SANBR: variants seen among roughly 807,000 people sequenced by gnomAD.
SANBR encodes the protein SANT and BTB domain regulator of CSR.
SANBR carries 77 observed loss-of-function variants against 101.8 expected under a neutral mutation model. That is an observed-to-expected ratio of 0.76 (90% CI 0.63 to 0.91). The LOEUF (loss-of-function observed/expected upper bound fraction) is 0.91. Ranked by LOEUF, SANBR falls within the 40% of genes least tolerant of loss-of-function variation. SANBR has a pLI of 0.00. For synonymous variants in SANBR, 279 were observed against 274.7 expected (o/e 1.02, Z -0.15); for missense variants, 875 against 853.0 (o/e 1.03, Z -0.32).
At chr2:61,067,386 G>A (rs976898711) in intron 1 of SANBR, among the ~76,000 whole-genome samples, 4 of 152,180 alleles carry the variant, frequency 2.6e-5, no homozygotes, top group Non-Finnish European at 5.9e-5. Context: ...TCTCAGGGAA[G>A]ATCCTTGCCC....
Position 61,117,546 on chromosome 2 carries a change from T to C in SANBR, c.1939+6T>C, listed in dbSNP as rs376259330. On this transcript the variant is annotated splice_donor_region_variant and intron_variant, in intron 19 of 21. Transcript: ENST00000402291. ...GGATGCACAAAGAGAAGACGGTAAA[T>C]TTTATTATTTGGGTAATGTACAAAT... 151 of 1,607,264 alleles carry C rather than the reference T, an allele frequency of 9.4e-5. No individual in the cohort carries two copies. Among genetic ancestry groups the C allele is most frequent in the Middle Eastern group, 1.7e-4 (1 of 5,950 alleles).
intron 10 of SANBR, chr2:61,088,815 A>T: frequency 1.0e-6 from 1 of 971,492 alleles, no homozygotes; most frequent in Non-Finnish European, 1.2e-6. Context: ...CACCGCTCCC[A>T]GCCCAGATTT....
In SANBR at chr2:61,118,247, G is replaced by A; in HGVS notation, c.2028+131G>A. The A allele has an allele frequency of 6.0e-6, 4 of 670,862 alleles. No homozygotes were observed. In the Admixed American group the frequency reaches 9.6e-5, roughly 16 times the overall value. The allele number at this position is 670,862 out of a possible 1,614,324, so 41.6% of individuals were successfully genotyped here. A position where few individuals can be genotyped will look rare whatever the true frequency, so the allele number is the denominator to read the frequency against. ...AATTTATGTGTTTGTTTGTTTGTTT[G>A]TTTTTTTCTTTGAGATGGAGTTTTG... On this transcript the variant is annotated intron_variant, in intron 20 of 21. Transcript: ENST00000402291.
chr2:61,097,638 A>G, intron 11 of SANBR, 62 bp from the exon 12 acceptor site: 2 of 1,299,800 alleles, frequency 1.5e-6, no homozygotes, highest in Non-Finnish European at 2.2e-6. Context: ...GGTCTTAAGT[A>G]TTTTTGAAAC....
intron 13 of SANBR, among the ~76,000 whole-genome samples, chr2:61,105,726 C>T (rs938798577): frequency 1.1e-4 from 17 of 149,974 alleles, no homozygotes; most frequent in Non-Finnish European, 3.0e-5. Context: ...GGCTGGAGTG[C>T]AGTGGTGCGA....
intron 16 of SANBR, among the ~76,000 whole-genome samples, chr2:61,110,118 A>G (rs1302369781): frequency 6.6e-6 from 1 of 152,154 alleles, no homozygotes; most frequent in Non-Finnish European, 1.5e-5. Flanking sequence ...CTCTTTTAGG[A>G]TTTCATATGA....
intron 19 of SANBR, among the ~76,000 whole-genome samples, chr2:61,117,813 G>A (rs992668088): frequency 6.6e-6 from 1 of 152,136 alleles, no homozygotes; most frequent in Non-Finnish European, 1.5e-5. Context: ...GTTTTAGGCT[G>A]TTTTATGGTA....
chr2:61,115,363 G>A (rs552993733), intron 16 of SANBR, among the ~76,000 whole-genome samples: 52 of 148,010 alleles, frequency 3.5e-4, no homozygotes, highest in Non-Finnish European at 6.5e-4. Flanking sequence ...TTTTGAGACA[G>A]AGTCTCGCTC....
At chr2:61,103,803 G>A (rs757436290) in intron 12 of SANBR, 50 bp from the exon 13 acceptor site, 2 of 1,534,532 alleles carry the variant, frequency 1.3e-6, no homozygotes, top group Non-Finnish European at 1.8e-6. Context: ...ATCTTTAAAG[G>A]AGTGTTCTAT....
chr2:61,116,106 G>GA (rs1559139095), intron 17 of SANBR, 36 bp downstream of exon 17: 3 of 1,384,390 alleles, frequency 2.2e-6, no homozygotes, highest in East Asian at 4.6e-5. Context: ...AGTTCATATG[G>GA]AAAAATAAGC....
At chr2:61,071,339 A>T (rs1320319031) in intron 3 of SANBR, among the ~76,000 whole-genome samples, 2 of 152,128 alleles carry the variant, frequency 1.3e-5, no homozygotes, top group East Asian at 3.9e-4. Context: ...TCACGAGGTC[A>T]GGAGTTCAAG....
intron 3 of SANBR, 23 bp from the exon 4 acceptor site, chr2:61,071,583 T>C: frequency 6.8e-7 from 1 of 1,478,900 alleles, no homozygotes; most frequent in Non-Finnish European, 9.0e-7. Context: ...AACCTCTGTT[T>C]CTTTCATTTT....
chr2:61,134,529 C>G (rs899504359), intron 21 of SANBR, among the ~76,000 whole-genome samples: 3 of 152,236 alleles, frequency 2.0e-5, no homozygotes, highest in Non-Finnish European at 4.4e-5. Flanking sequence ...TTAGCAGTCT[C>G]ATGTTCTCAT....
intron 2 of SANBR, among the ~76,000 whole-genome samples, chr2:61,070,003 G>A (rs1004227668): frequency 3.6e-4 from 55 of 152,104 alleles, no homozygotes; most frequent in African/African-American, 1.2e-3. Context: ...CCTCTTCTTA[G>A]CGCTGTGATC....
intron 20 of SANBR, 42 bp from the exon 21 acceptor site, chr2:61,121,143 T>A: frequency 7.5e-7 from 1 of 1,328,584 alleles, no homozygotes; most frequent in South Asian, 1.3e-5. Flanking sequence ...AGAGCTTCTA[T>A]TGATTCTGTG....
intron 8 of SANBR, among the ~76,000 whole-genome samples, chr2:61,083,950 A>G (rs1448122995): frequency 1.3e-5 from 2 of 150,986 alleles, no homozygotes; most frequent in African/African-American, 2.4e-5. Flanking sequence ...CTCTCTTTTC[A>G]TTTATAGTTA....
At chr2:61,099,174 A>G (rs886148777) in intron 12 of SANBR, among the ~76,000 whole-genome samples, 5 of 152,248 alleles carry the variant, frequency 3.3e-5, no homozygotes, top group Admixed American at 1.3e-4. Context: ...GGTAGGTGTC[A>G]GTCCATGCAG....
At chr2:61,100,480 A>T (rs1210931118) in intron 12 of SANBR, among the ~76,000 whole-genome samples, 1 of 152,204 alleles carries the variant, frequency 6.6e-6, no homozygotes, top group African/African-American at 2.4e-5. Flanking sequence ...GGTTGATGGT[A>T]TAAGGTGAGA....
intron 12 of SANBR, 150 bp downstream of exon 12, chr2:61,098,002 T>TGG: frequency 6.0e-6 from 3 of 497,864 alleles, no homozygotes; most frequent in Non-Finnish European, 1.0e-5. Context: ...TTCTTAGAGA[T>TGG]AATCACTGTT....
Sources: allele counts gnomAD v4.1 joint callset (sites outside exome capture counted in the v4.1 genomes callset), GRCh38; gene constraint gnomAD v4.1.1; transcripts MANE v1.5; gene names NCBI Gene and HGNC (gene_info 2026-07-23, HGNC 2026-07-21).